The following THSD7A variants were observed in gnomAD, a reference collection of about 807,000 sequenced individuals.
THSD7A encodes the protein thrombospondin type 1 domain containing 7A, also known as thrombospondin type-1 domain-containing protein 7A.
Under a neutral mutation model 231.3 loss-of-function variants are expected in THSD7A, and 96 were observed. That is an observed-to-expected ratio of 0.41 (90% CI 0.35 to 0.49). THSD7A has a LOEUF of 0.49. THSD7A is among the 20% of genes least tolerant of loss of function. The probability of loss-of-function intolerance (pLI) is 0.05; values close to 1 mark genes in which losing one functional copy is unlikely to be tolerated. For missense variants in THSD7A, 2,290 were observed against 2,070.2 expected (o/e 1.11, Z -2.06); for synonymous variants, 940 against 743.3 (o/e 1.26, Z -4.30).
At chr7:11,562,244 C>T (rs35833899) in intron 4 of THSD7A, among the ~76,000 whole-genome samples, 24,508 of 152,046 alleles carry the variant, frequency 0.16, 2,012 homozygotes, top group East Asian at 0.2. Context: ...TACAAATGTA[C>T]ATTTTTAAAA....
At chr7:11,552,989 T>C (rs753960960) in intron 4 of THSD7A, among the ~76,000 whole-genome samples, 4 of 152,072 alleles carry the variant, frequency 2.6e-5, no homozygotes, top group Non-Finnish European at 5.9e-5. Context: ...GAGAGGGAGA[T>C]GTTTCTCTTT....
At position 11,636,901 on chromosome 7, in the gene THSD7A, A is replaced by C; in HGVS notation, c.251T>G (p.Val84Gly). 1 of 1,613,698 alleles carries C rather than the reference A, an allele frequency of 6.2e-7. No homozygotes were observed. Among genetic ancestry groups the C allele is most frequent in the Non-Finnish European group, 8.5e-7 (1 of 1,179,864 alleles). ...CGPGGIQTRA[V>G]WCAHVEGWTT... ...CCATCCCTCCACATGAGCACACCAC[A>C]CAGCCCTCGTTTGGATGCCTCCGGG... Residue 84 changes from valine (V) to glycine (G), a missense_variant, in exon 2 of 28, where the codon GTG becomes GGG. Physicochemically the swap from Val to Gly is moderately radical, Grantham distance 109 (BLOSUM62 -3). Coordinates refer to ENST00000423059, the MANE Select transcript of THSD7A (RefSeq NM_015204.3). The surrounding 1 kb of genome is among the most constrained non-coding windows in gnomAD (Gnocchi z 10.0).
Position 11,481,797 on chromosome 7 carries a change from C to T in THSD7A, c.2008G>A (p.Gly670Ser), listed in dbSNP as rs371502879. The change falls in exon 7 of 28, where the codon GGT (glycine) becomes AGT (serine). Residue 670 changes from glycine (G) to serine (S), a missense_variant. Gly to Ser is a moderately conservative substitution (Grantham distance 56). Transcript: ENST00000423059. ...IRARSILAYA[G>S]EEGGIRCPNS... ...GAAGCTGGCGACTCACCTTCTTCAC[C>T]CGCATAGGCCAGAATGGATCGTGCT... The T allele has an allele frequency of 6.3e-7, 1 of 1,598,498 alleles. No homozygotes were observed. Among genetic ancestry groups the T allele is most frequent in the African/African-American group, 1.3e-5 (1 of 74,570 alleles).
intron 4 of THSD7A, among the ~76,000 whole-genome samples, chr7:11,565,922 G>C (rs940014332): frequency 1.2e-4 from 19 of 152,042 alleles, no homozygotes; most frequent in African/African-American, 4.3e-4. Context: ...TAAACTGCTG[G>C]GTTTGACATT....
Position 11,372,963 on chromosome 7 carries a change from T to C in THSD7A, c.*2831A>G, listed in dbSNP as rs2115272794. 1 of 152,056 alleles carries C rather than the reference T, an allele frequency of 6.6e-6. No individual in the cohort carries two copies. The highest frequency in any genetic ancestry group is 1.9e-4 in the East Asian group (1 of 5,184). The allele number at this position is 152,056 out of a possible 1,614,324, so 9.4% of individuals were successfully genotyped here. ...TCTTTCCACCTTTCTAACGAGGTTATCCAGTATTTATTTATCCTAACAAAC... is the reference window on the plus strand; with the variant it reads ...TCTTTCCACCTTTCTAACGAGGTTACCCAGTATTTATTTATCCTAACAAAC... On this transcript the variant is annotated 3_prime_UTR_variant, in exon 28 of 28. Coordinates refer to ENST00000423059, the MANE Select transcript of THSD7A (RefSeq NM_015204.3).
At chr7:11,758,897 C>T (rs896600365) in intron 1 of THSD7A, among the ~76,000 whole-genome samples, 1 of 151,988 alleles carries the variant, frequency 6.6e-6, no homozygotes, top group African/African-American at 2.4e-5. Flanking sequence ...TAGCTGTGTG[C>T]CAGTAAAACT....
chr7:11,633,434 G>A (rs1185682989), intron 2 of THSD7A, among the ~76,000 whole-genome samples: 1 of 152,102 alleles, frequency 6.6e-6, no homozygotes, highest in Non-Finnish European at 1.5e-5. Context: ...ATGCTATTCT[G>A]ATTTCAAGCA....
At chr7:11,777,313 C>T (rs1783440805) in intron 1 of THSD7A, among the ~76,000 whole-genome samples, 1 of 151,932 alleles carries the variant, frequency 6.6e-6, no homozygotes. Flanking sequence ...TATTAAACAA[C>T]ACAGAAAATG....
chr7:11,576,362 C>T (rs1790904567), intron 4 of THSD7A, among the ~76,000 whole-genome samples: 1 of 152,134 alleles, frequency 6.6e-6, no homozygotes, highest in African/African-American at 2.4e-5. Flanking sequence ...CACTCTGAAG[C>T]CATCAATTTG....
intron 4 of THSD7A, among the ~76,000 whole-genome samples, chr7:11,556,181 C>T (rs1025580554): frequency 7.9e-5 from 12 of 151,222 alleles, no homozygotes; most frequent in African/African-American, 2.4e-4. Flanking sequence ...TTTAGAATAC[C>T]ATTTTGATTT....
At chr7:11,593,212 A>G (rs1562752942) in intron 3 of THSD7A, 42 bp downstream of exon 3, 2 of 1,600,150 alleles carry the variant, frequency 1.2e-6, no homozygotes, top group East Asian at 4.5e-5. Context: ...AGCTGAGCAA[A>G]TGTAGTTTCG....
chr7:11,708,361 T>C (rs1191528269), intron 1 of THSD7A, among the ~76,000 whole-genome samples: 1 of 150,784 alleles, frequency 6.6e-6, no homozygotes, highest in Non-Finnish European at 1.5e-5. Flanking sequence ...AAAGTTTCCA[T>C]ATGTTTGTAA....
At chr7:11,704,708 G>A (rs1430330783) in intron 1 of THSD7A, among the ~76,000 whole-genome samples, 1 of 151,002 alleles carries the variant, frequency 6.6e-6, no homozygotes, top group East Asian at 2.0e-4. Flanking sequence ...CCATGTGAAT[G>A]TATAGATTTA....
intron 2 of THSD7A, among the ~76,000 whole-genome samples, chr7:11,611,266 A>G (rs1309197636): frequency 1.3e-5 from 2 of 152,096 alleles, no homozygotes; most frequent in African/African-American, 4.8e-5. Context: ...GAGGGAAGCA[A>G]TGTATTAAGT....
intron 1 of THSD7A, among the ~76,000 whole-genome samples, chr7:11,773,203 T>G (rs901594163): frequency 1.3e-5 from 2 of 152,170 alleles, no homozygotes; most frequent in Admixed American, 6.5e-5. Flanking sequence ...ATTTTACACA[T>G]CAATTTAGTA....
chr7:11,716,593 G>C (rs1003557165), intron 1 of THSD7A, among the ~76,000 whole-genome samples: 2 of 150,768 alleles, frequency 1.3e-5, no homozygotes, highest in Admixed American at 1.3e-4. Flanking sequence ...AAATTCTTCA[G>C]TGAAATAATC....
chr7:11,656,442 G>A (rs915539720), intron 1 of THSD7A, among the ~76,000 whole-genome samples: 2 of 151,828 alleles, frequency 1.3e-5, no homozygotes, highest in Admixed American at 6.6e-5. Flanking sequence ...ATGGTCTCCA[G>A]GCTAACTAGG....
At chr7:11,665,429 G>A (rs559799124) in intron 1 of THSD7A, among the ~76,000 whole-genome samples, 2 of 152,174 alleles carry the variant, frequency 1.3e-5, no homozygotes, top group Admixed American at 6.6e-5. Flanking sequence ...TAAGGCAAAT[G>A]TGACTTGGGT....
intron 9 of THSD7A, among the ~76,000 whole-genome samples, chr7:11,464,797 A>G (rs1286259129): frequency 6.6e-6 from 1 of 152,166 alleles, no homozygotes; most frequent in Non-Finnish European, 1.5e-5. Flanking sequence ...TAATGGGGTT[A>G]CACAGGAAGT....
Sources: allele counts gnomAD v4.1 joint callset (sites outside exome capture counted in the v4.1 genomes callset), GRCh38; gene constraint gnomAD v4.1.1; non-coding constraint Gnocchi (gnomAD v3.1); transcripts MANE v1.5; gene names NCBI Gene and HGNC (gene_info 2026-07-23, HGNC 2026-07-21).